ERBB2: variants seen among roughly 807,000 people sequenced by gnomAD.
ERBB2 encodes receptor tyrosine-protein kinase erbB-2.
A neutral mutation model predicts 149.0 loss-of-function variants in ERBB2; 61 were observed. The observed-to-expected ratio is 0.41, with a 90% CI of 0.33 to 0.51. The LOEUF (loss-of-function observed/expected upper bound fraction) is 0.51, where lower values mean the gene tolerates loss of function less well. Ranked by LOEUF, ERBB2 falls within the 20% of genes least tolerant of loss-of-function variation. ERBB2 has a pLI of 0.25. For synonymous variants in ERBB2, 633 were observed against 678.8 expected, an observed-to-expected ratio of 0.93 and a Z score of 1.05; for missense variants, 1,205 against 1,655.1, an observed-to-expected ratio of 0.73 and a Z score of 4.72.
At chr17:39,707,377 C>T (rs1394148859) in intron 2 of ERBB2, 4 of 410,316 alleles carry the variant, frequency 9.7e-6, no homozygotes, top group Admixed American at 4.5e-5. Context: ...TCTGTGTTTC[C>T]GCTAAATCTT....
chr17:39,716,077 C>G (rs889451355), intron 12 of ERBB2, 138 bp downstream of exon 12: 1 of 1,048,572 alleles, frequency 9.5e-7, no homozygotes, highest in Non-Finnish European at 1.4e-6. Flanking sequence ...ACAGCTCTGG[C>G]TGGCTTGGCC....
chr17:39,709,737 T>C, intron 4 of ERBB2, 76 bp from the exon 5 acceptor site: 1 of 1,410,456 alleles, frequency 7.1e-7, no homozygotes, highest in South Asian at 1.2e-5. Flanking sequence ...CTGCTGTTTG[T>C]GCCTCTCTCT....
At position 39,709,429 on chromosome 17, in the gene ERBB2, T is replaced by C; in HGVS notation, c.551T>C (p.Ile184Thr). Reference protein sequence around the residue: ...HKNNQLALTLIDTNRSRACHP... With the variant: ...HKNNQLALTLTDTNRSRACHP... ...AACAACCAGCTGGCTCTCACACTGA[T>C]AGACACCAACCGCTCTCGGGCCTGT... The change falls in exon 4 of 27, where the codon ATA (isoleucine) becomes ACA (threonine). Residue 184 changes from isoleucine (I) to threonine (T), a missense_variant. Around this residue, in one of 6 missense-constraint regions of ERBB2, gnomAD observed 569 missense variants for 803.5 expected, o/e 0.71. Coordinates refer to ENST00000269571, the MANE Select transcript of ERBB2 (RefSeq NM_004448.4). 7 of 1,614,064 alleles carry C rather than the reference T, an allele frequency of 4.3e-6. No individual in the cohort carries two copies. The highest frequency in any genetic ancestry group is 5.1e-6 in the Non-Finnish European group (6 of 1,179,980).
chr17:39,707,367 T>A, intron 2 of ERBB2: 1 of 422,942 alleles, frequency 2.4e-6, no homozygotes, highest in Non-Finnish European at 4.2e-6. Context: ...ATGGGATGCG[T>A]CTGTGTTTCC....
chr17:39,727,926 T>C lies in ERBB2; in HGVS notation c.3650T>C (p.Phe1217Ser), dbSNP rs2143311930. The change falls in exon 27 of 27, where the codon TTC (phenylalanine) becomes TCC (serine). Residue 1217 changes from phenylalanine (F) to serine (S), a missense_variant. Phe to Ser is a radical substitution (Grantham distance 155). Around this residue, in one of 6 missense-constraint regions of ERBB2, gnomAD observed 312 missense variants for 343.8 expected, o/e 0.91. Coordinates refer to ENST00000269571, the MANE Select transcript of ERBB2 (RefSeq NM_004448.4). This position sits in a 1 kb window ranked among gnomAD's most constrained non-coding sequence, Gnocchi z 4.3. ...PHPPPAFSPAFDNLYYWDQDP... is the reference protein window; with the variant it reads ...PHPPPAFSPASDNLYYWDQDP... The stretch of plus-strand genomic sequence containing the variant: ...CCTCCTCCTGCCTTCAGCCCAGCCT[T>C]CGACAACCTCTATTACTGGGACCAG... 1 of 1,614,036 alleles carries C rather than the reference T, an allele frequency of 6.2e-7. No homozygotes were observed. Among genetic ancestry groups the C allele is most frequent in the Non-Finnish European group, 8.5e-7 (1 of 1,179,992 alleles).
intron 15 of ERBB2, among the ~76,000 whole-genome samples, chr17:39,718,444 A>G (rs553588940): frequency 4.6e-5 from 7 of 152,312 alleles, no homozygotes; most frequent in South Asian, 2.1e-4. Flanking sequence ...GCACACTTAT[A>G]TAGACATACT....
intron 14 of ERBB2, 39 bp from the exon 15 acceptor site, chr17:39,717,281 C>T (rs376895403): frequency 1.3e-6 from 2 of 1,542,708 alleles, no homozygotes; most frequent in Non-Finnish European, 1.8e-6. Flanking sequence ...CTGGGGGTGT[C>T]AGTGCCAGCC....
At position 39,728,049 on chromosome 17, in the gene ERBB2, G is replaced by T. The variant is rs2230700; in HGVS notation, c.*5G>T. 250 of 1,567,530 alleles carry T rather than the reference G, an allele frequency of 1.6e-4. No individual in the cohort carries two copies. The African/African-American group carries it at 3.0e-3, about 19-fold the overall frequency. On this transcript the variant is annotated 3_prime_UTR_variant, in exon 27 of 27. Transcript: ENST00000269571. ...GGTCTGGACGTGCCAGTGTGAACCA[G>T]AAGGCCAAGTCCGCAGAAGCCCTGA...
exon 1 of ERBB2, chr17:39,688,220 A>G (rs1051112174): frequency 1.4e-5 from 6 of 422,138 alleles, no homozygotes; most frequent in Non-Finnish European, 2.4e-5. Context: ...GGTTAAGGGA[A>G]GGCGGACGCC....
chr17:39,723,606 G>A lies in ERBB2; in HGVS notation c.2154G>A (p.Thr718=), dbSNP rs753552215. The part of the protein sequence containing the change: ...NQAQMRILKE[T]ELRKVKVLGS... ...CGCAGATGCGGATCCTGAAAGAGACGGAGCTGAGGAAGGTGAAGGTGCTTG... is the reference window on the plus strand; with the variant it reads ...CGCAGATGCGGATCCTGAAAGAGACAGAGCTGAGGAAGGTGAAGGTGCTTG... Residue 718 remains threonine (T), a synonymous_variant, in exon 18 of 27, where the codon ACG becomes ACA. Transcript: ENST00000269571. The surrounding 1 kb of genome is among the most constrained non-coding windows in gnomAD (Gnocchi z 6.2). The A allele has an allele frequency of 2.5e-6, 4 of 1,607,488 alleles. No homozygotes were observed. The highest frequency in any genetic ancestry group is 2.7e-5 in the African/African-American group (2 of 75,004).
rs2059855528 is a variant in ERBB2 at position 39,727,682 on chromosome 17, CT to C, written c.3413-4del. On this transcript the variant is annotated splice_polypyrimidine_tract_variant and splice_region_variant and intron_variant, in intron 26 of 26. Coordinates refer to ENST00000269571, the MANE Select transcript of ERBB2 (RefSeq NM_004448.4). The surrounding 1 kb of genome is among the most constrained non-coding windows in gnomAD (Gnocchi z 4.3). ...CCCTAATGGGTCACCTTCTCTTGAC[CT>C]TTCAGAATATGTGAACCAGCCAGAT... 1 of 1,545,904 alleles carries C rather than the reference CT, an allele frequency of 6.5e-7. No homozygotes were observed. The highest frequency in any genetic ancestry group is 2.3e-5 in the East Asian group (1 of 44,388).
chr17:39,714,432 G>A (rs1157797908), intron 9 of ERBB2, among the ~76,000 whole-genome samples: 1 of 152,216 alleles, frequency 6.6e-6, no homozygotes, highest in African/African-American at 2.4e-5. Flanking sequence ...CCCTTGTGCT[G>A]TGCCTCAGTT....
At chr17:39,716,480 C>T (rs752381233) in intron 13 of ERBB2, 35 bp from the exon 14 acceptor site, 4 of 1,613,696 alleles carry the variant, frequency 2.5e-6, no homozygotes, top group East Asian at 4.5e-5. Context: ...CATGGGGCTC[C>T]TCTCAGACCC....
Position 39,723,798 on chromosome 17 carries a change from G to C in ERBB2, c.2209-114G>C, listed in dbSNP as rs951123143. 1.3e-5 allele frequency: 19 copies of C among 1,488,474 alleles called. 1 individual carries two copies. The highest frequency in any genetic ancestry group is 1.9e-4 in the Middle Eastern group (1 of 5,290). 92.2% of individuals were successfully genotyped at this position (1,488,474 alleles called of 1,614,324 possible). Reference sequence around the variant, plus strand: ...GGGCAGTTACAGCGGAGAAGGGAGCGGGGCCAAGCCCTAGGGTGGTGAAGG... The same window carrying C: ...GGGCAGTTACAGCGGAGAAGGGAGCCGGGCCAAGCCCTAGGGTGGTGAAGG... On this transcript the variant is annotated intron_variant, in intron 18 of 26. Coordinates refer to ENST00000269571, the MANE Select transcript of ERBB2 (RefSeq NM_004448.4). The surrounding 1 kb of genome is among the most constrained non-coding windows in gnomAD (Gnocchi z 6.2).
intron 19 of ERBB2, 58 bp downstream of exon 19, chr17:39,724,068 C>CCA: frequency 8.0e-7 from 1 of 1,251,294 alleles, no homozygotes; most frequent in Non-Finnish European, 1.1e-6. Flanking sequence ...GGCTGCAGGT[C>CCA]TGGGCTCTGG....
intron 15 of ERBB2, among the ~76,000 whole-genome samples, chr17:39,718,212 AC>A: frequency 6.6e-6 from 1 of 152,372 alleles, no homozygotes; most frequent in South Asian, 2.1e-4. Context: ...CCATGTTCTA[AC>A]ATGGTGATCT....
chr17:39,724,982 C>G (rs2145858440), intron 20 of ERBB2, 67 bp from the exon 21 acceptor site: 1 of 1,608,448 alleles, frequency 6.2e-7, no homozygotes, highest in Non-Finnish European at 8.5e-7. Context: ...AGGATGGGGA[C>G]TCTTGCTGGG....
chr17:39,719,552 T>C (rs924147800), intron 15 of ERBB2, among the ~76,000 whole-genome samples: 1 of 152,198 alleles, frequency 6.6e-6, no homozygotes, highest in South Asian at 2.1e-4. Context: ...CCCTCCCCGC[T>C]TCCTATCCAC....
At chr17:39,711,057 G>T (rs1011214436) in intron 7 of ERBB2, among the ~76,000 whole-genome samples, 3 of 152,112 alleles carry the variant, frequency 2.0e-5, no homozygotes, top group Admixed American at 1.3e-4. Context: ...CCACCACCAT[G>T]CCTCGCTAAA....
Sources: gnomAD v4.1 joint callset for allele counts (sites outside exome capture counted in the v4.1 genomes callset) on GRCh38, gnomAD v4.1.1 for gene constraint, gnomAD v4.1.1 regional missense constraint, Gnocchi (gnomAD v3.1) non-coding constraint, MANE v1.5 for transcripts, NCBI Gene and HGNC (gene_info 2026-07-23, HGNC 2026-07-21) for gene names.